The following SPNS3 variants were observed in gnomAD, a reference collection of about 807,000 sequenced individuals.
The protein encoded by SPNS3 is protein spinster homolog 3.
In SPNS3, 51 loss-of-function variants were observed where a neutral mutation model predicts 54.4. That is an observed-to-expected ratio of 0.94 (90% CI 0.75 to 1.18). The LOEUF is 1.18. SPNS3 is among the 50% of genes most tolerant of loss of function. The probability of loss-of-function intolerance (pLI) is 0.00; values close to 1 mark genes in which losing one functional copy is unlikely to be tolerated. For missense variants in SPNS3, 669 were observed against 677.4 expected (o/e 0.99, Z 0.14); for synonymous variants, 309 against 294.7 (o/e 1.05, Z -0.50).
At chr17:4,463,868 G>A (rs1434128866) in intron 8 of SPNS3, among the ~76,000 whole-genome samples, 3 of 152,058 alleles carry the variant, frequency 2.0e-5, no homozygotes, top group African/African-American at 2.4e-5. Context: ...TGAGTGTGTC[G>A]ATGTGTGCTG....
chr17:4,455,919 G>A (rs4790630), intron 8 of SPNS3, among the ~76,000 whole-genome samples: 1 of 19,010 alleles, frequency 5.3e-5, no homozygotes, highest in Non-Finnish European at 3.5e-4. Flanking sequence ...GCCCTCTGTG[G>A]GGGGGGGGTG....
chr17:4,461,361 C>CTTT lies in SPNS3; in HGVS notation c.1113+8180_1113+8182dup, dbSNP rs55928003. On this transcript the variant is annotated intron_variant, in intron 8 of 11. Coordinates refer to ENST00000355530, the MANE Select transcript of SPNS3 (RefSeq NM_182538.5). ...TATTTGCTTTCTTTTCTTTTCTTTTCTTTTTTTTTTTTTTTTTTTTTTTTT... is the reference window on the plus strand; with the variant it reads ...TATTTGCTTTCTTTTCTTTTCTTTTCTTTTTTTTTTTTTTTTTTTTTTTTTTTT... Among the ~76,000 whole-genome samples, 34 of 33,412 alleles carry CTTT rather than the reference C, an allele frequency of 1.0e-3. 4 individuals carry two copies. Among genetic ancestry groups the CTTT allele is most frequent in the African/African-American group, 1.9e-3 (19 of 10,154 alleles). 21.9% of individuals were successfully genotyped at this position (33,412 alleles called of 152,430 possible).
At chr17:4,475,988 C>T (rs1971985092) in intron 8 of SPNS3, among the ~76,000 whole-genome samples, 1 of 152,186 alleles carries the variant, frequency 6.6e-6, no homozygotes, top group Non-Finnish European at 1.5e-5. Flanking sequence ...CTGGGGCACC[C>T]TGGCGTCGTA....
chr17:4,441,481 T>C (rs1012919516), intron 2 of SPNS3, among the ~76,000 whole-genome samples: 1 of 152,232 alleles, frequency 6.6e-6, no homozygotes, highest in South Asian at 2.1e-4. Flanking sequence ...CAGCTGATGC[T>C]GATCTTCCAG....
chr17:4,460,174 A>G (rs1971458291), intron 8 of SPNS3, among the ~76,000 whole-genome samples: 1 of 152,100 alleles, frequency 6.6e-6, no homozygotes, highest in East Asian at 1.9e-4. Flanking sequence ...TGGGAGAGGG[A>G]CGTGAGGACA....
intron 2 of SPNS3, among the ~76,000 whole-genome samples, chr17:4,444,020 G>A (rs1970918318): frequency 6.6e-6 from 1 of 152,166 alleles, no homozygotes; most frequent in South Asian, 2.1e-4. Flanking sequence ...AGGATGGCTT[G>A]AGGCCAGGAG....
chr17:4,481,003 G>C (rs6502791), intron 9 of SPNS3, among the ~76,000 whole-genome samples: 131,648 of 152,096 alleles, frequency 0.87, 57,379 homozygotes, highest in East Asian at 1. Context: ...TGGGGGAGCC[G>C]TTCTGTGCAG....
intron 8 of SPNS3, among the ~76,000 whole-genome samples, chr17:4,456,031 G>C (rs1452183633): frequency 1.3e-5 from 2 of 151,970 alleles, no homozygotes; most frequent in African/African-American, 4.8e-5. Context: ...TGCTCAGGCT[G>C]GTCTTGAACT....
At chr17:4,456,176 C>T (rs996359868) in intron 8 of SPNS3, among the ~76,000 whole-genome samples, 6 of 151,946 alleles carry the variant, frequency 3.9e-5, no homozygotes, top group Non-Finnish European at 7.4e-5. Flanking sequence ...GGTCTCGAAC[C>T]CCTGTCCTCA....
intron 8 of SPNS3, among the ~76,000 whole-genome samples, chr17:4,471,663 AC>A (rs1249005244): frequency 6.6e-6 from 1 of 150,870 alleles, no homozygotes; most frequent in Non-Finnish European, 1.5e-5. Context: ...GCAGGGTTTC[AC>A]CATGTTTCCC....
At chr17:4,470,397 C>A (rs1207799297) in intron 8 of SPNS3, among the ~76,000 whole-genome samples, 3 of 152,124 alleles carry the variant, frequency 2.0e-5, no homozygotes, top group African/African-American at 7.2e-5. Context: ...CACTGCACTC[C>A]AGCCTGGGCA....
intron 8 of SPNS3, among the ~76,000 whole-genome samples, chr17:4,477,544 TG>T (rs2144199564): frequency 6.6e-6 from 1 of 152,326 alleles, no homozygotes; most frequent in East Asian, 1.9e-4. Flanking sequence ...GTGAGGGGAA[TG>T]AGGATTGTCC....
At chr17:4,466,696 G>A (rs1374229616) in intron 8 of SPNS3, among the ~76,000 whole-genome samples, 1 of 151,630 alleles carries the variant, frequency 6.6e-6, no homozygotes, top group African/African-American at 2.4e-5. Context: ...ACAAAAATTA[G>A]CTGGGCATGG....
At chr17:4,464,427 G>A (rs139064004) in intron 8 of SPNS3, among the ~76,000 whole-genome samples, 54 of 152,260 alleles carry the variant, frequency 3.5e-4, no homozygotes, top group Middle Eastern at 3.4e-3. Context: ...GCTGAACGTC[G>A]GCTATCCCCC....
intron 8 of SPNS3, among the ~76,000 whole-genome samples, chr17:4,464,654 T>C (rs1026135826): frequency 1.3e-5 from 2 of 152,200 alleles, no homozygotes; most frequent in East Asian, 3.8e-4. Flanking sequence ...ATTAAAGAGA[T>C]AAGCAAACTT....
intron 2 of SPNS3, among the ~76,000 whole-genome samples, chr17:4,443,661 A>C (rs1329114336): frequency 1.3e-5 from 2 of 152,346 alleles, no homozygotes; most frequent in South Asian, 4.1e-4. Flanking sequence ...GAATCTACCA[A>C]AGGTCACATA....
chr17:4,445,441 T>C (rs1003207943), intron 3 of SPNS3, among the ~76,000 whole-genome samples: 2 of 151,598 alleles, frequency 1.3e-5, no homozygotes, highest in Non-Finnish European at 1.5e-5. Context: ...AATGGCGTGA[T>C]CTCGACTCAC....
At chr17:4,460,891 C>T (rs1034489856) in intron 8 of SPNS3, among the ~76,000 whole-genome samples, 4 of 152,086 alleles carry the variant, frequency 2.6e-5, no homozygotes, top group Non-Finnish European at 5.9e-5. Context: ...GTGTTCCTTC[C>T]TCTTCTGTTT....
rs779715356 is a variant in SPNS3 at position 4,487,903 on chromosome 17, C to T, written c.*9C>T. On this transcript the variant is annotated 3_prime_UTR_variant, in exon 12 of 12. Transcript: ENST00000355530. ...CTACAGAGGAGCCCTGAGGTCCCTGCCTACACTCGTCCTGCCTGCAAGCCT... is the reference window on the plus strand; with the variant it reads ...CTACAGAGGAGCCCTGAGGTCCCTGTCTACACTCGTCCTGCCTGCAAGCCT... The T allele has an allele frequency of 1.2e-6, 2 of 1,612,212 alleles. No individual in the cohort carries two copies. Among genetic ancestry groups the T allele is most frequent in the African/African-American group, 2.7e-5 (2 of 74,932 alleles).
Sources: allele counts gnomAD v4.1 joint callset (sites outside exome capture counted in the v4.1 genomes callset), GRCh38; gene constraint gnomAD v4.1.1; transcripts MANE v1.5; gene names NCBI Gene and HGNC (gene_info 2026-07-23, HGNC 2026-07-21).